The following MCOLN1 variants were observed in gnomAD, a reference collection of about 807,000 sequenced individuals.
MCOLN1 encodes the protein mucolipin-1.
In MCOLN1, 50 loss-of-function variants were observed where a neutral mutation model predicts 70.3. The observed-to-expected ratio is 0.71, with a 90% CI of 0.57 to 0.90. The LOEUF is 0.90. Among genes scored for constraint, MCOLN1 ranks in the 40% least tolerant of loss-of-function variants. The pLI is 0.00. For missense variants in MCOLN1, 598 were observed against 803.5 expected, an observed-to-expected ratio of 0.74 and a Z score of 3.09; for synonymous variants, 366 against 341.0, an observed-to-expected ratio of 1.07 and a Z score of -0.81.
chr19:7,522,693 G>T lies in MCOLN1; in HGVS notation c.-58G>T. 7.0e-7 allele frequency: 1 copy of T among 1,432,032 alleles called. No individual in the cohort carries two copies. Among genetic ancestry groups the T allele is most frequent in the Non-Finnish European group, 9.1e-7 (1 of 1,094,256 alleles). 88.7% of individuals were successfully genotyped at this position (1,432,032 alleles called of 1,614,324 possible). On this transcript the variant is annotated 5_prime_UTR_variant, in exon 1 of 14. Transcript: ENST00000264079. The stretch of plus-strand genomic sequence containing the variant: ...AGCGAGGTCGCAGTGACAGCGGCGG[G>T]CGATCGGACCCAGGCTGCCCCGCCG...
chr19:7,527,289 A>AC, intron 4 of MCOLN1: 1 of 552,474 alleles, frequency 1.8e-6, no homozygotes, highest in East Asian at 3.2e-5. Flanking sequence ...AAAAAAAAAA[A>AC]AAAAAACAAG....
At chr19:7,527,027 C>T (rs1385396554) in intron 4 of MCOLN1, 101 bp downstream of exon 4, 2 of 1,468,272 alleles carry the variant, frequency 1.4e-6, no homozygotes, top group African/African-American at 1.4e-5. Context: ...ATAATACCAG[C>T]ACTTTGGGAG....
intron 10 of MCOLN1, 85 bp from the exon 11 acceptor site, chr19:7,529,505 C>CCCCCCCCCCCCCCCCCACAGGGGG (rs2146025306): frequency 1.3e-6 from 1 of 755,734 alleles, no homozygotes; most frequent in Non-Finnish European, 2.3e-6. Flanking sequence ...GGCAAGGCCC[C>CCCCCCCCCCCCCCCCCACAGGGGG]GCCCCTCCCA....
rs1156403687 is a variant in MCOLN1, at chr19:7,529,527, G to C, written c.1237-63G>C. ...CCCCGCCCCTCCCACCCCCATCTGG[G>C]TGCCCACAGCTGACCTGAGTTGTGG... On this transcript the variant is annotated intron_variant, in intron 10 of 13. Coordinates refer to ENST00000264079, the MANE Select transcript of MCOLN1 (RefSeq NM_020533.3). The C allele has an allele frequency of 3.3e-6, 5 of 1,506,524 alleles. No homozygotes were observed. In the East Asian group the frequency reaches 9.6e-5, roughly 29 times the overall value. 93.3% of individuals were successfully genotyped at this position (1,506,524 alleles called of 1,614,324 possible).
chr19:7,531,579 C>G (rs1464920832), intron 12 of MCOLN1, among the ~76,000 whole-genome samples: 1 of 152,196 alleles, frequency 6.6e-6, no homozygotes, highest in Non-Finnish European at 1.5e-5. Flanking sequence ...TGGCCCCATT[C>G]CTATGGCGGA....
At chr19:7,529,510 C>CCCCCCCCCCCCCA in intron 10 of MCOLN1, 80 bp from the exon 11 acceptor site, 2 of 912,888 alleles carry the variant, frequency 2.2e-6, no homozygotes, top group Non-Finnish European at 3.4e-6. Context: ...GGCCCCGCCC[C>CCCCCCCCCCCCCA]TCCCACCCCC....
chr19:7,527,445 G>A, intron 4 of MCOLN1, 75 bp from the exon 5 acceptor site: 1 of 783,218 alleles, frequency 1.3e-6, no homozygotes. Context: ...AGGGAAGAAG[G>A]CCACTGGGGA....
At chr19:7,529,501 G>GCGGCCCC in intron 10 of MCOLN1, 89 bp from the exon 11 acceptor site, 2 of 747,250 alleles carry the variant, frequency 2.7e-6, no homozygotes, top group East Asian at 2.9e-5. Context: ...CCTCGGCAAG[G>GCGGCCCC]CCCCGCCCCT....
At chr19:7,523,006 A>G (rs1385985410) in intron 1 of MCOLN1, among the ~76,000 whole-genome samples, 1 of 152,068 alleles carries the variant, frequency 6.6e-6, no homozygotes, top group Non-Finnish European at 1.5e-5. Flanking sequence ...AAACTCAGGC[A>G]GGGATCGCGC....
intron 4 of MCOLN1, 48 bp from the exon 5 acceptor site, chr19:7,527,472 C>T (rs1305597327): frequency 1.2e-6 from 1 of 830,954 alleles, no homozygotes; most frequent in Admixed American, 1.7e-5. Context: ...GGAGACCAGC[C>T]TGGCCTCCCC....
intron 12 of MCOLN1, 147 bp from the exon 13 acceptor site, chr19:7,533,376 G>T: frequency 9.5e-7 from 1 of 1,056,534 alleles, no homozygotes; most frequent in Non-Finnish European, 1.4e-6. Context: ...CAAGCAAACT[G>T]TGGAACAACG....
Position 7,526,892 on chromosome 19 carries a change from C to T in MCOLN1, c.537C>T (p.Asn179=), listed in dbSNP as rs376002658. ...ACCGAGGCCACGTGGACCCGGCCAA[C>T]GACACATTTGACATTGATCCGATGG... The part of the protein sequence containing the change: ...YYHRGHVDPA[N]DTFDIDPMVV... Residue 179 remains asparagine (N), a synonymous_variant, in exon 4 of 14, where the codon AAC becomes AAT. Coordinates refer to ENST00000264079, the MANE Select transcript of MCOLN1 (RefSeq NM_020533.3). This position sits in a 1 kb window ranked among gnomAD's most constrained non-coding sequence, Gnocchi z 4.6. 2.8e-5 allele frequency: 45 copies of T among 1,613,916 alleles called. No individual in the cohort carries two copies. The highest frequency in any genetic ancestry group is 6.7e-5 in the East Asian group (3 of 44,882).
At position 7,527,563 on chromosome 19, in the gene MCOLN1, C is replaced by A; in HGVS notation, c.615C>A (p.Pro205=). 6.2e-7 allele frequency: 1 copy of A among 1,612,422 alleles called. No homozygotes were observed. The highest frequency in any genetic ancestry group is 1.1e-5 in the South Asian group (1 of 91,062). The part of the protein sequence containing the change: ...VDPPERPPPP[P]SDDLTLLESS... The stretch of plus-strand genomic sequence containing the variant: ...CCCCCGAGCGGCCCCCTCCGCCCCC[C>A]AGCGACGATCTCACCCTCTTGGAAA... The change falls in exon 5 of 14, where the codon CCC becomes CCA. Residue 205 remains proline (P), a synonymous_variant. Coordinates refer to ENST00000264079, the MANE Select transcript of MCOLN1 (RefSeq NM_020533.3).
intron 12 of MCOLN1, among the ~76,000 whole-genome samples, chr19:7,532,788 A>G (rs1020984127): frequency 6.6e-6 from 1 of 152,216 alleles, no homozygotes; most frequent in African/African-American, 2.4e-5. Context: ...TCTGACTTGC[A>G]CCATCCTGTA....
Position 7,527,593 on chromosome 19 carries a change from C to T in MCOLN1, c.645C>T (p.Ser215=). 6.2e-7 allele frequency: 1 copy of T among 1,613,530 alleles called. No individual in the cohort carries two copies. Among genetic ancestry groups the T allele is most frequent in the African/African-American group, 1.3e-5 (1 of 75,024 alleles). The change falls in exon 5 of 14, where the codon AGC becomes AGT. Residue 215 remains serine, a synonymous_variant. Transcript: ENST00000264079. ...ACGATCTCACCCTCTTGGAAAGCAG[C>T]TCCAGTTACAAGAACCTCACGCTCA... ...PSDDLTLLES[S]SSYKNLTLKF... is the part of the protein sequence containing the mutation.
chr19:7,529,558 C>T, intron 10 of MCOLN1, 32 bp from the exon 11 acceptor site: 2 of 1,595,396 alleles, frequency 1.3e-6, no homozygotes, highest in Non-Finnish European at 1.7e-6. Flanking sequence ...TGTGGCCACA[C>T]CCTCAACGAG....
chr19:7,522,826 G>T lies in MCOLN1; in HGVS notation c.31+45G>T. ...CGTGGGGCCCCGAACTCAGGCGGGC[G>T]GGCTGTGTCTCCCACCTGGGGCGGC... On this transcript the variant is annotated intron_variant, in intron 1 of 13. Transcript: ENST00000264079. 3.1e-6 allele frequency: 4 copies of T among 1,310,608 alleles called. No homozygotes were observed. The South Asian group carries it at 8.5e-5, about 28-fold the overall frequency. 81.2% of individuals were successfully genotyped at this position (1,310,608 alleles called of 1,614,324 possible).
At chr19:7,533,723 A>G in intron 13 of MCOLN1, 36 bp from the exon 14 acceptor site, 2 of 1,614,154 alleles carry the variant, frequency 1.2e-6, no homozygotes, top group Non-Finnish European at 8.5e-7. Context: ...GAGCCAGAGA[A>G]AACTGACGCC....
intron 12 of MCOLN1, among the ~76,000 whole-genome samples, chr19:7,532,693 CGA>C (rs1419451254): frequency 1.3e-5 from 2 of 152,086 alleles, no homozygotes; most frequent in African/African-American, 4.8e-5. Flanking sequence ...CCAACGTGGG[CGA>C]GAGACCGAGA....
Sources: allele counts gnomAD v4.1 joint callset (sites outside exome capture counted in the v4.1 genomes callset), GRCh38; gene constraint gnomAD v4.1.1; non-coding constraint Gnocchi (gnomAD v3.1); transcripts MANE v1.5; gene names NCBI Gene and HGNC (gene_info 2026-07-23, HGNC 2026-07-21).